ABCB6: variants seen among roughly 807,000 people sequenced by gnomAD.
ABCB6 encodes ATP binding cassette subfamily B member 6 (LAN blood group), also known as ATP-binding cassette sub-family B member 6.
In ABCB6, 87 loss-of-function variants were observed where a neutral mutation model predicts 99.4. That is an observed-to-expected ratio of 0.88 (90% confidence interval 0.74 to 1.05). ABCB6 has a LOEUF of 1.05. Among genes scored for constraint, ABCB6 ranks in the 50% least tolerant of loss-of-function variants. The pLI is 0.00. For missense variants in ABCB6, 1,050 were observed against 1,097.9 expected (o/e 0.96, Z 0.62); for synonymous variants, 482 against 447.5 (o/e 1.08, Z -0.97).
In ABCB6 at chr2:219,218,482, C is replaced by G. The variant is rs749367669; in HGVS notation, c.192G>C (p.Trp64Cys). 28 of 1,608,258 alleles carry G rather than the reference C, an allele frequency of 1.7e-5. No homozygotes were observed. The highest frequency in any genetic ancestry group is 4.4e-5 in the South Asian group (4 of 90,766). ...ERPAGADSLS[W>C]GAGPRISPYV... Reference sequence around the variant, plus strand: ...AGGGAGAGATGCGAGGGCCGGCCCCCCAAGACAGCGAATCAGCACCAGCGG... The same window carrying G: ...AGGGAGAGATGCGAGGGCCGGCCCCGCAAGACAGCGAATCAGCACCAGCGG... Residue 64 changes from tryptophan (W) to cysteine (C), a missense_variant, in exon 1 of 19, where the codon TGG becomes TGC. By Grantham distance (215) the Trp-to-Cys change is radical. Coordinates refer to ENST00000265316, the MANE Select transcript of ABCB6 (RefSeq NM_005689.4).
chr2:219,216,561 C>A lies in ABCB6; in HGVS notation c.868+91G>T. On this transcript the variant is annotated intron_variant, in intron 3 of 18. Coordinates refer to ENST00000265316, the MANE Select transcript of ABCB6 (RefSeq NM_005689.4). This position sits in a 1 kb window ranked among gnomAD's most constrained non-coding sequence, Gnocchi z 4.2. ...CCAGCCACAGTCTCTTTCTGACCAC[C>A]CAGCTCTGTCCCACCTCCCTAGGTA... The A allele has an allele frequency of 6.5e-7, 1 of 1,538,702 alleles. No individual in the cohort carries two copies. Among genetic ancestry groups the A allele is most frequent in the Non-Finnish European group, 8.8e-7 (1 of 1,133,544 alleles).
Position 219,218,907 on chromosome 2 carries a change from C to G in ABCB6, c.-234G>C. 2.0e-6 allele frequency: 1 copy of G among 494,202 alleles called. No homozygotes were observed. Among genetic ancestry groups the G allele is most frequent in the Non-Finnish European group, 3.5e-6 (1 of 284,098 alleles). 30.6% of individuals were successfully genotyped at this position (494,202 alleles called of 1,614,324 possible). A position where few individuals can be genotyped will look rare whatever the true frequency, so the allele number is the denominator to read the frequency against. On this transcript the variant is annotated 5_prime_UTR_variant, in exon 1 of 19. Coordinates refer to ENST00000265316, the MANE Select transcript of ABCB6 (RefSeq NM_005689.4). ...GGCACGTACGCCGTCTCAGCACGGC[C>G]CCGCTGGCTCTGGGCCCGGGACCCT...
At position 219,216,222 on chromosome 2, in the gene ABCB6, G is replaced by A. The variant is rs1298005090; in HGVS notation, c.971-42C>T. The A allele has an allele frequency of 8.9e-6, 14 of 1,568,540 alleles. No homozygotes were observed. The highest frequency in any genetic ancestry group is 3.6e-5 in the Admixed American group (2 of 55,634). On this transcript the variant is annotated intron_variant, in intron 4 of 18. Coordinates refer to ENST00000265316, the MANE Select transcript of ABCB6 (RefSeq NM_005689.4). The surrounding 1 kb of genome is among the most constrained non-coding windows in gnomAD (Gnocchi z 4.2). ...GACGCCTCAGTAGGGCCTGGGAGCTGAGGGACGTCAGCCCAGCACCAGGAT... is the reference window on the plus strand; with the variant it reads ...GACGCCTCAGTAGGGCCTGGGAGCTAAGGGACGTCAGCCCAGCACCAGGAT...
At chr2:219,214,236 T>G (rs1467145985) in intron 7 of ABCB6, 50 bp from the exon 8 acceptor site, 1 of 1,569,896 alleles carries the variant, frequency 6.4e-7, no homozygotes, top group African/African-American at 1.3e-5. Context: ...CACATGGCAC[T>G]CGGGTCATTC....
intron 14 of ABCB6, among the ~76,000 whole-genome samples, chr2:219,211,976 G>A (rs1001427121): frequency 6.6e-6 from 1 of 151,938 alleles, no homozygotes; most frequent in African/African-American, 2.4e-5. Context: ...TGTTAGCCAG[G>A]ATGGTCTCGA....
intron 6 of ABCB6, 54 bp downstream of exon 6, chr2:219,214,907 G>A (rs1950621033): frequency 6.2e-7 from 1 of 1,609,330 alleles, no homozygotes; most frequent in Admixed American, 1.7e-5. Flanking sequence ...ACAGCTCATG[G>A]CCAAGGGAGT....
rs567053482 is a variant in ABCB6 at position 219,213,445 on chromosome 2, C to G, written c.1713G>C (p.Glu571Asp). Residue 571 changes from glutamate (E) to aspartate (D), a missense_variant, in exon 11 of 19, where the codon GAG (glutamate) becomes GAC (aspartate). Physicochemically the swap from Glu to Asp is conservative, Grantham distance 45 (BLOSUM62 2). Coordinates refer to ENST00000265316, the MANE Select transcript of ABCB6 (RefSeq NM_005689.4). ...MENMFDLLKE[E>D]TEVKDLPGAG... ...CTCCTCTCCCTTCGCTCACTTCTGT[C>G]TCCTCTTTCAGCAAGTCAAACATGT... 1.2e-6 allele frequency: 2 copies of G among 1,614,118 alleles called. No individual in the cohort carries two copies. The highest frequency in any genetic ancestry group is 1.7e-6 in the Non-Finnish European group (2 of 1,180,044).
intron 13 of ABCB6, among the ~76,000 whole-genome samples, 166 bp downstream of exon 13, chr2:219,212,842 G>A (rs533894946): frequency 6.6e-6 from 1 of 152,278 alleles, no homozygotes; most frequent in Non-Finnish European, 1.5e-5. Context: ...GGCTTTTGAG[G>A]TTCCCTCTCC....
At position 219,216,940 on chromosome 2, in the gene ABCB6, A is replaced by C; in HGVS notation, c.688-108T>G. The C allele has an allele frequency of 1.0e-6, 1 of 964,418 alleles. No homozygotes were observed. Among genetic ancestry groups the C allele is most frequent in the Admixed American group, 2.9e-5 (1 of 34,100 alleles). 59.7% of individuals were successfully genotyped at this position (964,418 alleles called of 1,614,324 possible). A position where few individuals can be genotyped will look rare whatever the true frequency, so the allele number is the denominator to read the frequency against. ...GGGTTACAGCTCCCAGGTATCTCAG[A>C]CCCACAAGTGATCCTTGATGGGGTC... On this transcript the variant is annotated intron_variant, in intron 2 of 18. Coordinates refer to ENST00000265316, the MANE Select transcript of ABCB6 (RefSeq NM_005689.4). The surrounding 1 kb of genome is among the most constrained non-coding windows in gnomAD (Gnocchi z 4.2).
chr2:219,212,078 G>A (rs1478123743), intron 14 of ABCB6, among the ~76,000 whole-genome samples: 3 of 151,848 alleles, frequency 2.0e-5, no homozygotes, highest in African/African-American at 4.8e-5. Context: ...TGTATTTTTT[G>A]TAGAGAGGGT....
chr2:219,218,752 G>T lies in ABCB6; in HGVS notation c.-79C>A. 7.0e-7 allele frequency: 1 copy of T among 1,428,570 alleles called. No homozygotes were observed. Among genetic ancestry groups the T allele is most frequent in the East Asian group, 2.5e-5 (1 of 39,324 alleles). 88.5% of individuals were successfully genotyped at this position (1,428,570 alleles called of 1,614,324 possible). The stretch of plus-strand genomic sequence containing the variant: ...GACTGGTCACTCGGAGAGGGGCGCG[G>T]ACATCCGGGTGCCTTGGCTCACGTA... On this transcript the variant is annotated 5_prime_UTR_variant, in exon 1 of 19. Transcript: ENST00000265316.
At position 219,218,591 on chromosome 2, in the gene ABCB6, A is replaced by G. The variant is rs1385715955; in HGVS notation, c.83T>C (p.Phe28Ser). The change falls in exon 1 of 19, where the codon TTC (phenylalanine) becomes TCC (serine). Residue 28 changes from phenylalanine (F) to serine (S), a missense_variant. Transcript: ENST00000265316. ...CCGCGTCGAGGGCACGAGCGTGAAG[A>G]AGAAGCAGGGACTCAGGCCATCCTG... ...WMQDGLSPCF[F>S]FTLVPSTRMA... is the part of the protein sequence containing the mutation. 4.3e-6 allele frequency: 7 copies of G among 1,612,478 alleles called. No individual in the cohort carries two copies. The Admixed American group carries it at 5.0e-5, about 12-fold the overall frequency.
rs1310729590 is a variant in ABCB6, at chr2:219,215,805, G to A, written c.1154+192C>T. The A allele has an allele frequency of 1.5e-5, 8 of 522,142 alleles. No homozygotes were observed. In the Middle Eastern group the frequency reaches 1.5e-3, roughly 99 times the overall value. 32.3% of individuals were successfully genotyped at this position (522,142 alleles called of 1,614,324 possible). ...AGCTCTGAAAAAGTAAGTGCAGCTC[G>A]AAAGAGATTTGCCCTCTGCCCGCAT... is the stretch of plus-strand genomic sequence containing the variant. On this transcript the variant is annotated intron_variant, in intron 5 of 18. Transcript: ENST00000265316.
At position 219,218,391 on chromosome 2, in the gene ABCB6, C is replaced by G. The variant is rs1464909700; in HGVS notation, c.283G>C (p.Val95Leu). ...AGTGGGGCCCCCCGGGCAGTGCCCACCCGGCCAGCCAGGCCGGCCAGGGGC... is the reference window on the plus strand; with the variant it reads ...AGTGGGGCCCCCCGGGCAGTGCCCAGCCGGCCAGCCAGGCCGGCCAGGGGC... ...ALPLAGLAGRVGTARGAPLPS... is the reference protein window; with the variant it reads ...ALPLAGLAGRLGTARGAPLPS... The change falls in exon 1 of 19, where the codon GTG becomes CTG. Residue 95 changes from valine to leucine, a missense_variant. Val to Leu is a conservative substitution (Grantham distance 32, BLOSUM62 1). Coordinates refer to ENST00000265316, the MANE Select transcript of ABCB6 (RefSeq NM_005689.4). The G allele has an allele frequency of 6.2e-7, 1 of 1,612,300 alleles. No homozygotes were observed. The highest frequency in any genetic ancestry group is 1.1e-5 in the South Asian group (1 of 91,048).
intron 6 of ABCB6, chr2:219,214,723 T>C: frequency 1.6e-6 from 1 of 632,358 alleles, no homozygotes; most frequent in South Asian, 2.0e-5. Context: ...GAGGCTTCCT[T>C]GACCTGTGTC....
Position 219,217,705 on chromosome 2 carries a change from C to A in ABCB6, c.652G>T (p.Val218Phe). Residue 218 changes from valine to phenylalanine, a missense_variant, in exon 2 of 19, where the codon GTT becomes TTT. Physicochemically the swap from Val to Phe is conservative, Grantham distance 50. Transcript: ENST00000265316. ...GLRPQSYTLQ[V>F]HEEDQDVERS... ...TCCACATCTTGGTCCTCTTCATGAA[C>A]CTGCAATGTATAGGACTGGGGACGA... 1 of 1,613,344 alleles carries A rather than the reference C, an allele frequency of 6.2e-7. No homozygotes were observed. The highest frequency in any genetic ancestry group is 1.1e-5 in the South Asian group (1 of 91,028).
intron 14 of ABCB6, 142 bp downstream of exon 14, chr2:219,212,245 C>T (rs1224632257): frequency 7.5e-6 from 5 of 666,360 alleles, no homozygotes; most frequent in African/African-American, 5.4e-5. Context: ...GACTACTTTA[C>T]TTGTGTGACT....
In ABCB6 at chr2:219,209,776, G is replaced by T. The variant is rs1400549835; in HGVS notation, c.*162C>A. 3 of 685,780 alleles carry T rather than the reference G, an allele frequency of 4.4e-6. No homozygotes were observed. Among genetic ancestry groups the T allele is most frequent in the Non-Finnish European group, 5.3e-6 (2 of 380,272 alleles). The allele number at this position is 685,780 out of a possible 1,614,324, so 42.5% of individuals were successfully genotyped here. ...ACAAAGCCACAGTGATCCTCGCACA[G>T]TCCACATTTTTATTTCCCCAAAAGA... On this transcript the variant is annotated 3_prime_UTR_variant, in exon 19 of 19. Transcript: ENST00000265316.
chr2:219,210,007 G>A lies in ABCB6; in HGVS notation c.2460C>T (p.Asp820=). 6.2e-7 allele frequency: 1 copy of A among 1,614,118 alleles called. No homozygotes were observed. Among genetic ancestry groups the A allele is most frequent in the Non-Finnish European group, 8.5e-7 (1 of 1,180,030 alleles). Residue 820 remains aspartate, a synonymous_variant, in exon 19 of 19, where the codon GAC becomes GAT. Transcript: ENST00000265316. Reference sequence around the variant, plus strand: ...CCTGTCCCTGCTGCAGCTGCCACATGTCAGCATACACCCCACCTCGGGACA... The same window carrying A: ...CCTGTCCCTGCTGCAGCTGCCACATATCAGCATACACCCCACCTCGGGACA... ...ALLSRGGVYA[D]MWQLQQGQEE...
Sources: gnomAD v4.1 joint callset for allele counts (sites outside exome capture counted in the v4.1 genomes callset) on GRCh38, gnomAD v4.1.1 for gene constraint, Gnocchi (gnomAD v3.1) non-coding constraint, MANE v1.5 for transcripts, NCBI Gene and HGNC (gene_info 2026-07-23, HGNC 2026-07-21) for gene names.